Variants in XKR9 observed in about 807,000 individuals in gnomAD.
XKR9 encodes XK-related protein 9.
Under a neutral mutation model 32.0 loss-of-function variants are expected in XKR9, and 32 were observed. That is an observed-to-expected ratio of 1.00 (90% CI 0.76 to 1.34). The LOEUF is 1.34. Ranked by LOEUF, XKR9 falls within the 40% of genes most tolerant of loss-of-function variation. XKR9 has a pLI of 0.00. For missense variants in XKR9, 546 were observed against 429.7 expected (o/e 1.27, Z -2.39); for synonymous variants, 168 against 143.4 (o/e 1.17, Z -1.22).
At chr8:71,011,797 A>G in the XKR9 span, among the ~76,000 whole-genome samples, 2 of 152,212 alleles carry the variant, frequency 1.3e-5, no homozygotes, top group Admixed American at 1.3e-4. Flanking sequence ...CTGTTTGCCA[A>G]AAATTTGATG....
downstream of XKR9, chr8:70,790,395 A>T (rs746005318): frequency 1.3e-5 from 2 of 152,250 alleles, no homozygotes; most frequent in South Asian, 2.1e-4. Flanking sequence ...AAAACAAGTT[A>T]TCAGTTGCAT....
At chr8:70,774,178 G>T (rs749469045) in intron 2 of XKR9, among the ~76,000 whole-genome samples, 23 of 152,188 alleles carry the variant, frequency 1.5e-4, no homozygotes, top group Non-Finnish European at 3.2e-4. Flanking sequence ...GGTTGACAGA[G>T]ATTCTACTTC....
chr8:70,782,720 C>A (rs1807633355), intron 2 of XKR9, among the ~76,000 whole-genome samples: 1 of 152,046 alleles, frequency 6.6e-6, no homozygotes, highest in South Asian at 2.1e-4. Context: ...TAATGTTCTC[C>A]AATTCCATCC....
At chr8:71,020,054 C>A in the XKR9 span, among the ~76,000 whole-genome samples, 1 of 152,170 alleles carries the variant, frequency 6.6e-6, no homozygotes, top group Admixed American at 6.5e-5. Flanking sequence ...AAACATGTGC[C>A]ACTATAGAGG....
At chr8:71,027,054 C>T in the XKR9 span, among the ~76,000 whole-genome samples, 2 of 152,054 alleles carry the variant, frequency 1.3e-5, no homozygotes, top group African/African-American at 2.4e-5. Context: ...TTCAAATATG[C>T]TTGCATTTAG....
the XKR9 span, among the ~76,000 whole-genome samples, chr8:70,890,184 A>G: frequency 2.0e-5 from 3 of 151,846 alleles, no homozygotes; most frequent in African/African-American, 7.2e-5. Flanking sequence ...GCTGTGGAAC[A>G]TTTTTTCATA....
At chr8:70,720,752 G>C (rs1024361618) in intron 4 of XKR9, among the ~76,000 whole-genome samples, 7 of 151,978 alleles carry the variant, frequency 4.6e-5, no homozygotes, top group African/African-American at 1.7e-4. Context: ...ATATTGGCCT[G>C]AAATTTTCTT....
At chr8:70,952,680 G>C in the XKR9 span, among the ~76,000 whole-genome samples, 1 of 152,188 alleles carries the variant, frequency 6.6e-6, no homozygotes, top group African/African-American at 2.4e-5. Context: ...GGTCATGGAA[G>C]TTTGGTAGAT....
At position 70,734,405 on chromosome 8, in the gene XKR9, G is replaced by A; in HGVS notation, c.1103G>A (p.Arg368Lys). 6.3e-7 allele frequency: 1 copy of A among 1,587,594 alleles called. No homozygotes were observed. The highest frequency in any genetic ancestry group is 8.5e-7 in the Non-Finnish European group (1 of 1,173,200). ...CCAGTTCTAAGAGAATGTAGAATGA[G>A]ATATTTCCTAATGGAATAAGCTATT... is the stretch of plus-strand genomic sequence containing the variant. ...GKPVLRECRMRYFLME is the reference protein window; with the variant it reads ...GKPVLRECRMKYFLME The change falls in exon 5 of 5, where the codon AGA becomes AAA. Residue 368 changes from arginine (R) to lysine (K), a missense_variant. By Grantham distance (26) the Arg-to-Lys change is conservative (BLOSUM62 2). Coordinates refer to ENST00000408926, the MANE Select transcript of XKR9 (RefSeq NM_001011720.2).
At chr8:71,049,727 G>A in the XKR9 span, among the ~76,000 whole-genome samples, 1 of 152,124 alleles carries the variant, frequency 6.6e-6, no homozygotes, top group Non-Finnish European at 1.5e-5. Context: ...AAAGAAGGGA[G>A]GAGACTCGTG....
chr8:71,056,136 C>T, the XKR9 span, among the ~76,000 whole-genome samples: 1 of 152,052 alleles, frequency 6.6e-6, no homozygotes. Flanking sequence ...AGCCCCTTAG[C>T]CAATTTGGAA....
chr8:70,940,691 G>T, the XKR9 span, among the ~76,000 whole-genome samples: 1 of 151,998 alleles, frequency 6.6e-6, no homozygotes, highest in Non-Finnish European at 1.5e-5. Flanking sequence ...TTGTTGATTT[G>T]ATTTTATGGG....
intron 3 of XKR9, among the ~76,000 whole-genome samples, chr8:70,706,154 T>C (rs1431285402): frequency 1.3e-5 from 2 of 152,154 alleles, no homozygotes; most frequent in Admixed American, 1.3e-4. Context: ...TAAAGACTTT[T>C]GATAAGCTTT....
intron 3 of XKR9, among the ~76,000 whole-genome samples, chr8:70,699,503 T>C (rs1266269039): frequency 7.2e-5 from 11 of 152,190 alleles, no homozygotes; most frequent in Non-Finnish European, 1.2e-4. Flanking sequence ...GAATGTTGAA[T>C]ATTGGCCCCC....
intron 3 of XKR9, among the ~76,000 whole-genome samples, chr8:70,704,432 A>G (rs1292420198): frequency 6.6e-6 from 1 of 152,148 alleles, no homozygotes; most frequent in Non-Finnish European, 1.5e-5. Flanking sequence ...GACACTTAAC[A>G]TGTGCCAGGT....
chr8:70,920,863 A>C, the XKR9 span, among the ~76,000 whole-genome samples: 1 of 152,210 alleles, frequency 6.6e-6, no homozygotes. Flanking sequence ...CATATTTAGA[A>C]ATATGAATAT....
the XKR9 span, among the ~76,000 whole-genome samples, chr8:70,879,555 T>C: frequency 2.0e-5 from 3 of 152,064 alleles, no homozygotes; most frequent in Non-Finnish European, 2.9e-5. Flanking sequence ...CTAGAAAATC[T>C]AGAAGAAATG....
At chr8:70,833,309 AT>A in the XKR9 span, among the ~76,000 whole-genome samples, 1 of 152,222 alleles carries the variant, frequency 6.6e-6, no homozygotes, top group Non-Finnish European at 1.5e-5. Flanking sequence ...GAATGAACAA[AT>A]AACAAAATGT....
chr8:70,707,440 CAT>C (rs1478145227), intron 4 of XKR9, among the ~76,000 whole-genome samples: 1 of 151,678 alleles, frequency 6.6e-6, no homozygotes, highest in African/African-American at 2.4e-5. Context: ...CAAATGGTAA[CAT>C]AAAATAAAAA....
Sources: gnomAD v4.1 joint callset for allele counts (sites outside exome capture counted in the v4.1 genomes callset) on GRCh38, gnomAD v4.1.1 for gene constraint, MANE v1.5 for transcripts, NCBI Gene and HGNC (gene_info 2026-07-23, HGNC 2026-07-21) for gene names.